The following SAXO1 variants were observed in gnomAD, a reference collection of about 807,000 sequenced individuals.
The protein encoded by SAXO1 is stabilizer of axonemal microtubules 1.
A neutral mutation model predicts 17.5 loss-of-function variants in SAXO1; 21 were observed. That is an observed-to-expected ratio of 1.20 (90% confidence interval 0.85 to 1.72). The LOEUF (loss-of-function observed/expected upper bound fraction) is 1.72. Ranked by LOEUF, SAXO1 falls within the 40% of genes most tolerant of loss-of-function variation. SAXO1 has a pLI of 0.00. For missense variants in SAXO1, 843 were observed against 596.0 expected (o/e 1.41, Z -4.32); for synonymous variants, 274 against 216.5 (o/e 1.27, Z -2.33).
intron 1 of SAXO1, among the ~76,000 whole-genome samples, chr9:19,004,485 G>C (rs903963391): frequency 7.2e-5 from 11 of 152,170 alleles, no homozygotes; most frequent in African/African-American, 1.7e-4. Flanking sequence ...ATCAATAATA[G>C]ACTGGATAAA....
chr9:19,030,868 G>A (rs995124580), intron 1 of SAXO1, among the ~76,000 whole-genome samples: 1 of 152,114 alleles, frequency 6.6e-6, no homozygotes, highest in African/African-American at 2.4e-5. Flanking sequence ...AGATTAATGA[G>A]ACAGATGGAT....
chr9:18,934,919 TG>T (rs1831223805), intron 3 of SAXO1, among the ~76,000 whole-genome samples: 1 of 152,196 alleles, frequency 6.6e-6, no homozygotes, highest in South Asian at 2.1e-4. Flanking sequence ...AATTTGTTTT[TG>T]TTTTTAATTT....
At position 18,981,510 on chromosome 9, in the gene SAXO1, G is replaced by A. The variant is rs113454334; in HGVS notation, c.39-30573C>T. ...AGGCCAGGCTAAAGCCCCTCACACAGAGCCCAGAGCCCTCACAGCATCAAT... is the reference window on the plus strand; with the variant it reads ...AGGCCAGGCTAAAGCCCCTCACACAAAGCCCAGAGCCCTCACAGCATCAAT... On this transcript the variant is annotated intron_variant, in intron 1 of 3. Transcript: ENST00000380534. 8.2e-3 allele frequency among the ~76,000 whole-genome samples: 1,248 copies of A among 152,168 alleles called. 14 individuals are homozygous for A. The highest frequency in any genetic ancestry group is 0.054 in the Middle Eastern group (16 of 294).
chr9:18,952,609 T>C (rs759654999), intron 1 of SAXO1, among the ~76,000 whole-genome samples: 11 of 152,332 alleles, frequency 7.2e-5, no homozygotes, highest in South Asian at 6.2e-4. Context: ...TTCTCACCTA[T>C]AGATTTGTTA....
rs201794314 is a variant in SAXO1, at chr9:18,928,525, G to C, written c.952C>G (p.Pro318Ala). 15 of 1,613,992 alleles carry C rather than the reference G, an allele frequency of 9.3e-6. No individual in the cohort carries two copies. The East Asian group carries it at 3.3e-4, about 36-fold the overall frequency. The change falls in exon 4 of 4, where the codon CCA becomes GCA. Residue 318 changes from proline to alanine, a missense_variant. Transcript: ENST00000380534. ...AGTGCAGGTCGGCAGGACTGAGCTG[G>C]GGCACCCTTAGGGCATGTGTAATGG... Reference protein sequence around the residue: ...QAHYTCPKGAPAQSCRPALQI... With the variant: ...QAHYTCPKGAAAQSCRPALQI...
Position 18,989,050 on chromosome 9 carries a change from CA to C in SAXO1, c.39-38114del, listed in dbSNP as rs201756415. 4.4e-4 allele frequency among the ~76,000 whole-genome samples: 67 copies of C among 151,132 alleles called. 1 individual carries two copies. In the East Asian group the frequency reaches 8.9e-3, roughly 20 times the overall value. ...TAAGATCATTTTACTTTAAAGGGAC[CA>C]AAAAAAACAGCTATAGAATGAGTTA... On this transcript the variant is annotated intron_variant, in intron 1 of 3. Coordinates refer to ENST00000380534, the MANE Select transcript of SAXO1 (RefSeq NM_153707.4).
chr9:19,046,448 C>T (rs1389140904), intron 1 of SAXO1, among the ~76,000 whole-genome samples: 2 of 152,168 alleles, frequency 1.3e-5, no homozygotes, highest in Admixed American at 1.3e-4. Context: ...GTAATCCCAG[C>T]ACTTTGGGAG....
intron 2 of SAXO1, 126 bp from the exon 3 acceptor site, chr9:18,941,965 C>A: frequency 1.2e-6 from 1 of 825,948 alleles, no homozygotes; most frequent in Non-Finnish European, 2.0e-6. Flanking sequence ...CTTCCCTCCT[C>A]CCCCGAACTG....
chr9:18,955,572 C>A (rs917597520), intron 1 of SAXO1, among the ~76,000 whole-genome samples: 2 of 152,204 alleles, frequency 1.3e-5, no homozygotes, highest in Non-Finnish European at 2.9e-5. Flanking sequence ...TTGATTAATA[C>A]AATATCCGTC....
At chr9:18,962,092 A>G (rs1832510358) in intron 1 of SAXO1, among the ~76,000 whole-genome samples, 2 of 151,392 alleles carry the variant, frequency 1.3e-5, no homozygotes, top group African/African-American at 4.9e-5. Flanking sequence ...CTTAAGATGG[A>G]GTTTTGCTCT....
chr9:18,954,755 G>A (rs1357961923), intron 1 of SAXO1, among the ~76,000 whole-genome samples: 2 of 152,124 alleles, frequency 1.3e-5, no homozygotes, highest in African/African-American at 4.8e-5. Flanking sequence ...ACCAGTCATA[G>A]ACATAGGATA....
chr9:19,006,318 G>T (rs1021988753), intron 1 of SAXO1, among the ~76,000 whole-genome samples: 6 of 152,226 alleles, frequency 3.9e-5, no homozygotes, highest in African/African-American at 1.4e-4. Context: ...GATACCTGTA[G>T]ACCAATCGCA....
intron 2 of SAXO1, among the ~76,000 whole-genome samples, chr9:18,943,015 T>C (rs1831637835): frequency 6.6e-6 from 1 of 152,234 alleles, no homozygotes; most frequent in Admixed American, 6.5e-5. Flanking sequence ...TAAAACCCAC[T>C]TCCTGGCCAA....
chr9:19,008,276 C>A lies in SAXO1; in HGVS notation c.38+24595G>T, dbSNP rs529651667. Reference sequence around the variant, plus strand: ...TACAGGCCTGAGCCACCATGCCCAGCCTACCTGGTCCTTTATAGAAAAAGA... The same window carrying A: ...TACAGGCCTGAGCCACCATGCCCAGACTACCTGGTCCTTTATAGAAAAAGA... On this transcript the variant is annotated intron_variant, in intron 1 of 3. Transcript: ENST00000380534. Among the ~76,000 whole-genome samples the A allele has an allele frequency of 2.2e-3, 332 of 152,268 alleles. 2 individuals carry two copies. Among genetic ancestry groups the A allele is most frequent in the Non-Finnish European group, 2.3e-3 (159 of 68,022 alleles).
chr9:19,032,903 C>A lies in SAXO1; in HGVS notation c.6G>T (p.Lys2Asn). 6.2e-7 allele frequency: 1 copy of A among 1,610,406 alleles called. No individual in the cohort carries two copies. Among genetic ancestry groups the A allele is most frequent in the Non-Finnish European group, 8.5e-7 (1 of 1,179,686 alleles). The change falls in exon 1 of 4, where the codon AAG becomes AAT. Residue 2 changes from lysine to asparagine, a missense_variant. By Grantham distance (94) the Lys-to-Asn change is moderately conservative. Coordinates refer to ENST00000380534, the MANE Select transcript of SAXO1 (RefSeq NM_153707.4). ...AGCACAGTTCACAGATGCACTTCGT[C>A]TTCATAGGGGCGATCCTGAGGCCCT... M[K>N]TKCICELCSC...
At chr9:19,024,664 T>C (rs938034011) in intron 1 of SAXO1, among the ~76,000 whole-genome samples, 1 of 151,966 alleles carries the variant, frequency 6.6e-6, no homozygotes, top group Non-Finnish European at 1.5e-5. Flanking sequence ...AGCTTCACTT[T>C]CCTCATCACT....
At chr9:18,933,017 G>A (rs1038656673) in intron 3 of SAXO1, among the ~76,000 whole-genome samples, 1 of 152,150 alleles carries the variant, frequency 6.6e-6, no homozygotes, top group Non-Finnish European at 1.5e-5. Context: ...TTACTTGTCT[G>A]CTTGCTTTTC....
chr9:18,949,902 C>T (rs1285573766), intron 2 of SAXO1, among the ~76,000 whole-genome samples: 2 of 152,190 alleles, frequency 1.3e-5, no homozygotes, highest in Non-Finnish European at 1.5e-5. Context: ...CAACCCTGCC[C>T]TTTAGGGATG....
chr9:18,938,814 G>A (rs1032839572), intron 3 of SAXO1, among the ~76,000 whole-genome samples: 15 of 127,246 alleles, frequency 1.2e-4, no homozygotes, highest in African/African-American at 3.6e-4. Flanking sequence ...GGGTGCATGC[G>A]TGCGTGCGTG....
Sources: allele counts gnomAD v4.1 joint callset (sites outside exome capture counted in the v4.1 genomes callset), GRCh38; gene constraint gnomAD v4.1.1; transcripts MANE v1.5; gene names NCBI Gene and HGNC (gene_info 2026-07-23, HGNC 2026-07-21).